The following NBEAL1 variants were observed in gnomAD, a reference collection of about 807,000 sequenced individuals.
NBEAL1 encodes the protein neurobeachin-like protein 1.
Under a neutral mutation model 351.3 loss-of-function variants are expected in NBEAL1, and 273 were observed. The ratio of observed to expected loss-of-function variants is 0.78; its 90% CI spans 0.70 to 0.86. NBEAL1 has a LOEUF of 0.86. Ranked by LOEUF, NBEAL1 falls within the 40% of genes least tolerant of loss-of-function variation. NBEAL1 has a pLI of 0.00. For synonymous variants in NBEAL1, 1,050 were observed against 1,086.4 expected, an observed-to-expected ratio of 0.97 and a Z score of 0.66; for missense variants, 2,961 against 3,201.3, an observed-to-expected ratio of 0.92 and a Z score of 1.81.
At chr2:203,157,029 C>A (rs924921584) in intron 35 of NBEAL1, among the ~76,000 whole-genome samples, 2 of 152,078 alleles carry the variant, frequency 1.3e-5, no homozygotes, top group Admixed American at 6.6e-5. Context: ...GTGATGAAGT[C>A]TCCATTTTAC....
rs1249336982 is a variant in NBEAL1 at position 203,144,352 on chromosome 2, GCTGATACT to G, written c.4849-244_4849-237del. ...TGCACTTTGAGAAAACAATGCAAAT[GCTGATACT>G]CTGGCTACTGCTATTGCTGTAGATC... On this transcript the variant is annotated intron_variant, in intron 31 of 55. Coordinates refer to ENST00000683969, the MANE Select transcript of NBEAL1 (RefSeq NM_001378026.1). 3.3e-5 allele frequency among the ~76,000 whole-genome samples: 5 copies of G among 152,140 alleles called. No homozygotes were observed. The South Asian group carries it at 1.0e-3, about 32-fold the overall frequency.
At chr2:203,099,111 A>G (rs2062248643) in intron 11 of NBEAL1, among the ~76,000 whole-genome samples, 1 of 152,082 alleles carries the variant, frequency 6.6e-6, no homozygotes, top group African/African-American at 2.4e-5. Flanking sequence ...CCCTGTCTCT[A>G]CTAAAAATAC....
rs1205754518 is a variant in NBEAL1 at position 203,134,082 on chromosome 2, C to T, written c.3813+936C>T. 2.6e-5 allele frequency among the ~76,000 whole-genome samples: 4 copies of T among 152,154 alleles called. No individual in the cohort carries two copies. The South Asian group carries it at 8.3e-4, about 32-fold the overall frequency. ...TGTTTCAAAGGGTATTAACGTTTTA[C>T]ATTTTGATGGATTTTTCCACATTGT... On this transcript the variant is annotated intron_variant, in intron 27 of 55. Coordinates refer to ENST00000683969, the MANE Select transcript of NBEAL1 (RefSeq NM_001378026.1).
At chr2:203,213,940 C>T (rs1420974108) in intron 55 of NBEAL1, 2 of 249,390 alleles carry the variant, frequency 8.0e-6, no homozygotes, top group Non-Finnish European at 1.3e-5. Flanking sequence ...ATTTTCAATA[C>T]ATAAGAGCCT....
chr2:203,210,975 T>A lies in NBEAL1; in HGVS notation c.7803T>A (p.His2601Gln), dbSNP rs2105849541. 6.3e-7 allele frequency: 1 copy of A among 1,584,988 alleles called. No homozygotes were observed. The highest frequency in any genetic ancestry group is 8.6e-7 in the Non-Finnish European group (1 of 1,164,948). ...CTTTTCAGGATAAGAATGCATTACA[T>A]CTGTTTTCTATAAATGGCAAGTATC... ...KTTLKDKNALHLFSINGKYLG... is the reference protein window; with the variant it reads ...KTTLKDKNALQLFSINGKYLG... The change falls in exon 54 of 56, where the codon CAT (histidine) becomes CAA (glutamine). Residue 2601 changes from histidine (H) to glutamine (Q), a missense_variant. Coordinates refer to ENST00000683969, the MANE Select transcript of NBEAL1 (RefSeq NM_001378026.1).
At position 203,221,776 on chromosome 2, in the gene NBEAL1, G is replaced by A. The variant is rs2105868347; in HGVS notation, c.*4422G>A. Among the ~76,000 whole-genome samples the A allele has an allele frequency of 6.6e-6, 1 of 152,310 alleles. No homozygotes were observed. On this transcript the variant is annotated 3_prime_UTR_variant, in exon 56 of 56. Coordinates refer to ENST00000683969, the MANE Select transcript of NBEAL1 (RefSeq NM_001378026.1). ...TCCATCCAGAGCATTGTTCTATAGA[G>A]TTTTCCTGTATTTATCAGAGTCATG...
intron 2 of NBEAL1, among the ~76,000 whole-genome samples, chr2:203,025,826 G>A (rs1386532254): frequency 6.6e-6 from 1 of 152,078 alleles, no homozygotes; most frequent in Non-Finnish European, 1.5e-5. Flanking sequence ...ATATGAGTCA[G>A]TACCTGCCCT....
rs533661595 is a variant in NBEAL1 at position 203,033,553 on chromosome 2, A to C, written c.52-8212A>C. Among the ~76,000 whole-genome samples the C allele has an allele frequency of 6.6e-5, 10 of 152,330 alleles. No individual in the cohort carries two copies. In the South Asian group the frequency reaches 1.2e-3, roughly 19 times the overall value. On this transcript the variant is annotated intron_variant, in intron 2 of 55. Transcript: ENST00000683969. ...TCTTTCTTCTGCAAATCTTTCTAGT[A>C]GTAATGGTGTTATTATGAGGAAATT...
Position 203,157,754 on chromosome 2 carries a change from A to C in NBEAL1, c.5643A>C (p.Gln1881His). ...CATTGCTTTTGGAAGTAGTGAAACA[A>C]GTAAAAGTTAGTGATATGGTGGAGG... ...SDTLLLEVVK[Q>H]VKVSDMVEDK... The change falls in exon 36 of 56, where the codon CAA becomes CAC. Residue 1881 changes from glutamine to histidine, a missense_variant. Gln to His is a conservative substitution (Grantham distance 24). Coordinates refer to ENST00000683969, the MANE Select transcript of NBEAL1 (RefSeq NM_001378026.1). 6.3e-7 allele frequency: 1 copy of C among 1,597,786 alleles called. No homozygotes were observed. The highest frequency in any genetic ancestry group is 8.5e-7 in the Non-Finnish European group (1 of 1,172,506).
chr2:203,093,234 A>G (rs1465847377), intron 10 of NBEAL1, among the ~76,000 whole-genome samples: 2 of 26,062 alleles, frequency 7.7e-5, no homozygotes, highest in Admixed American at 3.8e-4. Flanking sequence ...TCTGTCTAAA[A>G]AAAAAAAAAA....
chr2:203,107,822 T>C lies in NBEAL1; in HGVS notation c.1583T>C (p.Leu528Ser). ...MGIRIIETLD[L>S]HSSLHQTCAE... ...ATTAGAATCATTGAAACCCTTGACT[T>C]GCATTCTTCCCTCCATCAAACTTGT... The change falls in exon 14 of 56, where the codon TTG becomes TCG. Residue 528 changes from leucine (L) to serine (S), a missense_variant. Coordinates refer to ENST00000683969, the MANE Select transcript of NBEAL1 (RefSeq NM_001378026.1). 1.3e-6 allele frequency: 2 copies of C among 1,554,632 alleles called. No individual in the cohort carries two copies. Among genetic ancestry groups the C allele is most frequent in the Non-Finnish European group, 1.7e-6 (2 of 1,147,820 alleles).
chr2:203,178,149 CT>C (rs144941229), intron 42 of NBEAL1, among the ~76,000 whole-genome samples: 85,582 of 146,172 alleles, frequency 0.59, 26,358 homozygotes, highest in Middle Eastern at 0.78. Flanking sequence ...TCATACCAGC[CT>C]TTTTTTTTTC....
chr2:203,163,878 T>C (rs535973480), intron 36 of NBEAL1, among the ~76,000 whole-genome samples: 7 of 152,264 alleles, frequency 4.6e-5, no homozygotes, highest in Non-Finnish European at 1.0e-4. Flanking sequence ...TATGTATAGT[T>C]GTTGGGTTCT....
At chr2:203,067,844 A>G (rs750753791) in intron 6 of NBEAL1, among the ~76,000 whole-genome samples, 2 of 152,186 alleles carry the variant, frequency 1.3e-5, no homozygotes, top group African/African-American at 4.8e-5. Context: ...AGCACATGCA[A>G]TTTGTATTGG....
Position 203,037,331 on chromosome 2 carries a change from A to G in NBEAL1, c.52-4434A>G, listed in dbSNP as rs188804720. Among the ~76,000 whole-genome samples, 34 of 149,332 alleles carry G rather than the reference A, an allele frequency of 2.3e-4. 3 individuals are homozygous for G. Among genetic ancestry groups the G allele is most frequent in the African/African-American group, 8.0e-4 (33 of 41,186 alleles). Reference sequence around the variant, plus strand: ...CATAACTGAGACTCCTAAATCACATATTGAAATCTGACTGACATAAGGAAG... The same window carrying G: ...CATAACTGAGACTCCTAAATCACATGTTGAAATCTGACTGACATAAGGAAG... On this transcript the variant is annotated intron_variant, in intron 2 of 55. Transcript: ENST00000683969.
At chr2:203,085,907 C>G (rs1018488436) in intron 10 of NBEAL1, 1 of 152,044 alleles carries the variant, frequency 6.6e-6, no homozygotes. Flanking sequence ...CCACATCAAG[C>G]TGAATAATAT....
At chr2:203,020,771 A>C (rs2060757860) in intron 2 of NBEAL1, among the ~76,000 whole-genome samples, 1 of 152,280 alleles carries the variant, frequency 6.6e-6, no homozygotes, top group East Asian at 1.9e-4. Flanking sequence ...GATTAACAGC[A>C]CATTTCTTAT....
In NBEAL1 at chr2:203,042,582, GTTCTTTTTTTTTTTTT is replaced by G. The variant is rs1371197702; in HGVS notation, c.143+738_143+753del. Among the ~76,000 whole-genome samples the G allele has an allele frequency of 6.7e-5, 10 of 149,114 alleles. No individual in the cohort carries two copies. The South Asian group carries it at 1.9e-3, about 28-fold the overall frequency. On this transcript the variant is annotated intron_variant, in intron 3 of 55. Coordinates refer to ENST00000683969, the MANE Select transcript of NBEAL1 (RefSeq NM_001378026.1). ...AGTTCCAGCCCTCTAATTAATGCTT[GTTCTTTTTTTTTTTTT>G]TTCTTTTTTTTGAAATGGAGTATTG...
At chr2:203,055,725 T>C (rs1482638094) in intron 4 of NBEAL1, among the ~76,000 whole-genome samples, 2 of 152,206 alleles carry the variant, frequency 1.3e-5, no homozygotes, top group Non-Finnish European at 2.9e-5. Flanking sequence ...TTAATGAACG[T>C]TGCTTTTTTA....
Sources: allele counts gnomAD v4.1 joint callset (sites outside exome capture counted in the v4.1 genomes callset), GRCh38; gene constraint gnomAD v4.1.1; transcripts MANE v1.5; gene names NCBI Gene and HGNC (gene_info 2026-07-23, HGNC 2026-07-21).